The following PARVB variants were observed in gnomAD, a reference collection of about 807,000 sequenced individuals.
The protein encoded by PARVB is parvin beta.
A neutral mutation model predicts 47.0 loss-of-function variants in PARVB; 46 were observed. The ratio of observed to expected loss-of-function variants is 0.98; its 90% CI spans 0.77 to 1.25. The LOEUF (loss-of-function observed/expected upper bound fraction) is 1.25, where lower values mean the gene tolerates loss of function less well. PARVB is among the 50% of genes most tolerant of loss of function. PARVB has a pLI of 0.00. For missense variants in PARVB, 473 were observed against 471.6 expected, an observed-to-expected ratio of 1.00 and a Z score of -0.03; for synonymous variants, 196 against 196.3, an observed-to-expected ratio of 1.00 and a Z score of 0.01.
rs1478826163 is a variant in PARVB at position 44,049,413 on chromosome 22, A to C, written c.112+24962A>C. 6.6e-6 allele frequency among the ~76,000 whole-genome samples: 1 copy of C among 152,182 alleles called. No individual in the cohort carries two copies. Among genetic ancestry groups the C allele is most frequent in the African/African-American group, 2.4e-5 (1 of 41,442 alleles). On this transcript the variant is annotated intron_variant, in intron 1 of 12. Transcript: ENST00000338758. The surrounding 1 kb of genome is among the most constrained non-coding windows in gnomAD (Gnocchi z 4.0). Reference sequence around the variant, plus strand: ...CTCAAGTTTAGCTCCTGTCTGATTAAATTTGAGGTTCGTTTCTCAAGTTTA... The same window carrying C: ...CTCAAGTTTAGCTCCTGTCTGATTACATTTGAGGTTCGTTTCTCAAGTTTA...
chr22:44,156,529 G>A (rs947507599), intron 10 of PARVB, among the ~76,000 whole-genome samples: 2 of 152,022 alleles, frequency 1.3e-5, no homozygotes, highest in Non-Finnish European at 2.9e-5. Context: ...CACCCACCTT[G>A]GCCACCCAAA....
At chr22:44,009,730 A>ATTTTTAC (rs2050502772) in intron 2 of PARVB, among the ~76,000 whole-genome samples, 1 of 151,528 alleles carries the variant, frequency 6.6e-6, no homozygotes, top group African/African-American at 2.4e-5. Context: ...TCTTTTATAT[A>ATTTTTAC]ATAAACATTA....
chr22:44,006,628 A>G (rs1221225206), intron 2 of PARVB, among the ~76,000 whole-genome samples: 1 of 152,208 alleles, frequency 6.6e-6, no homozygotes, highest in Admixed American at 6.5e-5. Flanking sequence ...CATCTCGGAA[A>G]AGAAAAAAAG....
In PARVB at chr22:44,119,105, A is replaced by C; in HGVS notation, c.341A>C (p.Asp114Ala). ...ERIIVKQLEE[D>A]LYDGQVLQKL... ...ATCATTGTGAAGCAGCTGGAGGAAGACCTGTATGACGGCCAGGTGCTGCAG... is the reference window on the plus strand; with the variant it reads ...ATCATTGTGAAGCAGCTGGAGGAAGCCCTGTATGACGGCCAGGTGCTGCAG... Residue 114 changes from aspartate to alanine, a missense_variant, in exon 4 of 13, where the codon GAC becomes GCC. Physicochemically the swap from Asp to Ala is moderately radical, Grantham distance 126 (BLOSUM62 -2). Coordinates refer to ENST00000338758, the MANE Select transcript of PARVB (RefSeq NM_013327.5). The C allele has an allele frequency of 6.2e-7, 1 of 1,613,970 alleles. No homozygotes were observed. Among genetic ancestry groups the C allele is most frequent in the Non-Finnish European group, 8.5e-7 (1 of 1,179,894 alleles).
At chr22:44,154,504 G>A (rs1024540524) in intron 10 of PARVB, among the ~76,000 whole-genome samples, 2 of 151,064 alleles carry the variant, frequency 1.3e-5, no homozygotes, top group Admixed American at 6.6e-5. Flanking sequence ...TTGGGGGTGT[G>A]TGTGTGTGTG....
intron 9 of PARVB, chr22:44,151,227 C>T (rs551836875): frequency 1.1e-4 from 47 of 420,084 alleles, no homozygotes; most frequent in East Asian, 9.5e-4. Flanking sequence ...ATATGTCATG[C>T]GTGCACGGAT....
Position 44,009,700 on chromosome 22 carries a change from AT to A in PARVB, c.211+10030del, listed in dbSNP as rs992735954. ...CTCTCTTGTTAATATATAAACCATT[AT>A]TTAACCCTTTAAAAACCCTCTTTTA... On this transcript the variant is annotated intron_variant, in intron 2 of 13. Coordinates refer to the PARVB transcript ENST00000406477. Among the ~76,000 whole-genome samples the A allele has an allele frequency of 2.6e-5, 4 of 151,338 alleles. No homozygotes were observed. In the South Asian group the frequency reaches 8.3e-4, roughly 31 times the overall value.
intron 4 of PARVB, among the ~76,000 whole-genome samples, chr22:44,128,763 C>T (rs1330016005): frequency 2.6e-5 from 4 of 152,134 alleles, no homozygotes; most frequent in East Asian, 1.9e-4. Flanking sequence ...GGTTGAACCT[C>T]GGAATGTGAC....
intron 2 of PARVB, among the ~76,000 whole-genome samples, chr22:44,001,769 C>T (rs2050415140): frequency 1.3e-5 from 2 of 152,196 alleles, no homozygotes; most frequent in Non-Finnish European, 2.9e-5. Context: ...CTGCCAGATA[C>T]CCACGTCTGA....
chr22:44,008,341 C>T (rs903622684), intron 2 of PARVB, among the ~76,000 whole-genome samples: 10 of 152,084 alleles, frequency 6.6e-5, no homozygotes, highest in African/African-American at 2.4e-4. Flanking sequence ...AACTCTTGAC[C>T]TCAAGTGATC....
At position 44,168,843 on chromosome 22, in the gene PARVB, C is replaced by G. The variant is rs147372761; in HGVS notation, c.*165C>G. On this transcript the variant is annotated 3_prime_UTR_variant, in exon 13 of 13. Coordinates refer to ENST00000338758, the MANE Select transcript of PARVB (RefSeq NM_013327.5). Reference sequence around the variant, plus strand: ...CTCACGCCTGCCCCACCCCCTGCCTCTTTTGGTTGTTGTTCTTAATCTCCT... The same window carrying G: ...CTCACGCCTGCCCCACCCCCTGCCTGTTTTGGTTGTTGTTCTTAATCTCCT... 3 of 588,664 alleles carry G rather than the reference C, an allele frequency of 5.1e-6. No individual in the cohort carries two copies. Among genetic ancestry groups the G allele is most frequent in the Non-Finnish European group, 9.1e-6 (3 of 328,328 alleles). The allele number at this position is 588,664 out of a possible 1,614,324, so 36.5% of individuals were successfully genotyped here. A position where few individuals can be genotyped will look rare whatever the true frequency, so the allele number is the denominator to read the frequency against.
At chr22:44,034,193 T>C (rs2050874088) in intron 1 of PARVB, among the ~76,000 whole-genome samples, 1 of 148,890 alleles carries the variant, frequency 6.7e-6, no homozygotes, top group Admixed American at 6.7e-5. Context: ...CAACAGCAAT[T>C]ATAATTATAA....
intron 2 of PARVB, among the ~76,000 whole-genome samples, chr22:44,016,252 A>G (rs2050579113): frequency 6.6e-6 from 1 of 151,820 alleles, no homozygotes; most frequent in Admixed American, 6.6e-5. Flanking sequence ...ACCTGCCACC[A>G]GGCCCAGCTA....
rs536799313 is a variant in PARVB, at chr22:44,045,410, C to G, written c.112+20959C>G. Among the ~76,000 whole-genome samples the G allele has an allele frequency of 4.6e-5, 7 of 152,334 alleles. No homozygotes were observed. In the South Asian group the frequency reaches 1.4e-3, roughly 32 times the overall value. ...TGGTGAGTGTTGAGGAGCCCAACTT[C>G]TTTTGAGAAATCATTGTTGGATCTG... On this transcript the variant is annotated intron_variant, in intron 1 of 12. Transcript: ENST00000338758.
At chr22:44,112,621 C>G (rs956907504) in intron 3 of PARVB, 3 of 153,044 alleles carry the variant, frequency 2.0e-5, no homozygotes, top group African/African-American at 7.2e-5. Flanking sequence ...CTCACTGCAT[C>G]CTTGACCTCC....
chr22:44,108,419 A>C (rs2052616492), intron 3 of PARVB: 1 of 152,172 alleles, frequency 6.6e-6, no homozygotes, highest in African/African-American at 2.4e-5. Context: ...AATCAGACTG[A>C]ACTCTAGGAC....
chr22:44,020,176 C>CT (rs60438723), upstream of PARVB, among the ~76,000 whole-genome samples: 12,599 of 136,146 alleles, frequency 0.093, 1,268 homozygotes, highest in African/African-American at 0.25. Context: ...ACAGTCACCA[C>CT]TTTTTTTTTT....
At chr22:44,056,734 G>A (rs2051319198) in intron 1 of PARVB, among the ~76,000 whole-genome samples, 1 of 151,680 alleles carries the variant, frequency 6.6e-6, no homozygotes, top group Non-Finnish European at 1.5e-5. Context: ...TCGAACCCCT[G>A]GGCTCAAGTG....
chr22:44,053,795 T>C (rs1418465814), intron 1 of PARVB, among the ~76,000 whole-genome samples: 1 of 152,218 alleles, frequency 6.6e-6, no homozygotes, highest in Non-Finnish European at 1.5e-5. Flanking sequence ...TTTACTTATA[T>C]TTCCTGGTTT....
Sources: gnomAD v4.1 joint callset for allele counts (sites outside exome capture counted in the v4.1 genomes callset) on GRCh38, gnomAD v4.1.1 for gene constraint, Gnocchi (gnomAD v3.1) non-coding constraint, MANE v1.5 for transcripts, NCBI Gene and HGNC (gene_info 2026-07-23, HGNC 2026-07-21) for gene names.